Variants in HMCN1 observed in about 807,000 individuals in gnomAD.
HMCN1 encodes hemicentin 1.
A neutral mutation model predicts 625.9 loss-of-function variants in HMCN1; 321 were observed. The ratio of observed to expected loss-of-function variants is 0.51; its 90% CI spans 0.47 to 0.56. HMCN1 has a LOEUF of 0.56. Ranked by LOEUF, HMCN1 falls within the 20% of genes least tolerant of loss-of-function variation. The probability of loss-of-function intolerance (pLI) is 0.00; values close to 1 mark genes in which losing one functional copy is unlikely to be tolerated. For missense variants in HMCN1, 6,588 were observed against 6,887.3 expected (o/e 0.96, Z 1.54); for synonymous variants, 2,425 against 2,417.6 (o/e 1.00, Z -0.09).
chr1:185,855,124 A>T (rs926870266), intron 2 of HMCN1, among the ~76,000 whole-genome samples: 6 of 152,174 alleles, frequency 3.9e-5, no homozygotes, highest in African/African-American at 1.4e-4. Context: ...TCCTCCTCGA[A>T]TAAGCAAATG....
chr1:185,736,747 T>C (rs952849720), intron 1 of HMCN1, among the ~76,000 whole-genome samples: 7 of 152,244 alleles, frequency 4.6e-5, no homozygotes, highest in African/African-American at 7.2e-5. Context: ...TGCTCTTTGC[T>C]GTAGTTGACT....
chr1:185,914,230 A>G (rs1365657305), intron 6 of HMCN1, among the ~76,000 whole-genome samples: 5 of 152,160 alleles, frequency 3.3e-5, no homozygotes, highest in Admixed American at 3.3e-4. Flanking sequence ...ATGACATAAA[A>G]TATTGCTGTT....
At chr1:186,145,711 A>G (rs1477296364) in intron 92 of HMCN1, 42 bp from the exon 93 acceptor site, 1 of 1,610,494 alleles carries the variant, frequency 6.2e-7, no homozygotes, top group African/African-American at 1.3e-5. Context: ...GAAGATTTTG[A>G]AGCCAATTTC....
rs1558138128 is a variant in HMCN1 at position 186,007,222 on chromosome 1, C to A, written c.4570C>A (p.Gln1524Lys). The A allele has an allele frequency of 6.2e-7, 1 of 1,613,506 alleles. No individual in the cohort carries two copies. Among genetic ancestry groups the A allele is most frequent in the East Asian group, 2.2e-5 (1 of 44,824 alleles). The stretch of plus-strand genomic sequence containing the variant: ...ACGGAGAAATGACAAGGGGCGCTAC[C>A]AATGTACTGTGTCTAATGCAGCTGG... ...NARRNDKGRY[Q>K]CTVSNAAGKQ... Residue 1524 changes from glutamine to lysine, a missense_variant, in exon 30 of 107, where the codon CAA (glutamine) becomes AAA (lysine). Gln to Lys is a moderately conservative substitution (Grantham distance 53). This residue lies in a region of HMCN1 where 4,628 missense variants were observed against 4,853.1 expected (regional missense o/e 0.95). Transcript: ENST00000271588.
intron 36 of HMCN1, among the ~76,000 whole-genome samples, chr1:186,023,676 G>A (rs1654868174): frequency 6.6e-6 from 1 of 152,084 alleles, no homozygotes; most frequent in Non-Finnish European, 1.5e-5. Flanking sequence ...GATCTCTAGA[G>A]GCTCATCAGA....
chr1:185,991,866 C>T (rs1312382822), intron 22 of HMCN1, among the ~76,000 whole-genome samples: 2 of 152,074 alleles, frequency 1.3e-5, no homozygotes, highest in African/African-American at 2.4e-5. Context: ...AATTGCTTTC[C>T]AAAGGGACAG....
intron 11 of HMCN1, among the ~76,000 whole-genome samples, chr1:185,955,738 T>C (rs1187502996): frequency 1.3e-5 from 2 of 152,180 alleles, no homozygotes; most frequent in Non-Finnish European, 2.9e-5. Flanking sequence ...GCTGAACTTT[T>C]GATGGCCACG....
rs768828921 is a variant in HMCN1, at chr1:185,933,721, A to G, written c.1725A>G (p.Ser575=). The change falls in exon 11 of 107, where the codon TCA becomes TCG. Residue 575 remains serine, a synonymous_variant. Coordinates refer to ENST00000271588, the MANE Select transcript of HMCN1 (RefSeq NM_031935.3). ...GAATTAGGACCTTGGCTAATCTGTC[A>G]TTGGAGCTAAAGAGTGTGAAATTCA... ...PARIRTLANL[S]LELKSVKFND... is the part of the protein sequence containing the mutation. The G allele has an allele frequency of 6.2e-7, 1 of 1,614,038 alleles. No individual in the cohort carries two copies. The highest frequency in any genetic ancestry group is 8.5e-7 in the Non-Finnish European group (1 of 1,179,914).
intron 1 of HMCN1, among the ~76,000 whole-genome samples, chr1:185,826,186 A>C (rs1356546133): frequency 6.6e-6 from 1 of 152,202 alleles, no homozygotes; most frequent in Non-Finnish European, 1.5e-5. Context: ...TCAATTCCTG[A>C]ATGTATAAAA....
intron 40 of HMCN1, among the ~76,000 whole-genome samples, chr1:186,042,093 T>C (rs1177925313): frequency 5.3e-5 from 8 of 152,184 alleles, no homozygotes; most frequent in East Asian, 3.9e-4. Flanking sequence ...ACATATCTAA[T>C]GAAAGTAAAA....
At chr1:186,183,111 T>C (rs565075117) in intron 105 of HMCN1, among the ~76,000 whole-genome samples, 2 of 152,358 alleles carry the variant, frequency 1.3e-5, no homozygotes, top group South Asian at 4.1e-4. Flanking sequence ...ATGTGGGTCT[T>C]AATAAGCTTT....
In HMCN1 at chr1:186,115,116, G is replaced by C; in HGVS notation, c.11405-142G>C. Reference sequence around the variant, plus strand: ...CCTTAGTATAGTTAATATCATCACAGCACTATTAAAATTTGCAGAGTCTTG... The same window carrying C: ...CCTTAGTATAGTTAATATCATCACACCACTATTAAAATTTGCAGAGTCTTG... On this transcript the variant is annotated intron_variant, in intron 74 of 106. Coordinates refer to ENST00000271588, the MANE Select transcript of HMCN1 (RefSeq NM_031935.3). 3 of 1,336,008 alleles carry C rather than the reference G, an allele frequency of 2.2e-6. No individual in the cohort carries two copies. In the South Asian group the frequency reaches 3.5e-5, roughly 16 times the overall value. The allele number at this position is 1,336,008 out of a possible 1,614,324, so 82.8% of individuals were successfully genotyped here. A position where few individuals can be genotyped will look rare whatever the true frequency, so the allele number is the denominator to read the frequency against.
At chr1:185,935,639 G>A (rs1667775735) in intron 11 of HMCN1, among the ~76,000 whole-genome samples, 1 of 152,132 alleles carries the variant, frequency 6.6e-6, no homozygotes, top group Non-Finnish European at 1.5e-5. Flanking sequence ...ATCTGTACTA[G>A]TGGTGTAAAT....
chr1:185,978,122 G>T, intron 16 of HMCN1, 141 bp downstream of exon 16: 1 of 630,234 alleles, frequency 1.6e-6, no homozygotes, highest in South Asian at 2.1e-5. Context: ...CTTTGAAATA[G>T]TACTGGCATT....
intron 69 of HMCN1, among the ~76,000 whole-genome samples, chr1:186,104,295 C>A (rs2102446534): frequency 6.6e-6 from 1 of 152,174 alleles, no homozygotes; most frequent in East Asian, 1.9e-4. Context: ...AATAATCATG[C>A]CTCATTCATA....
chr1:185,932,230 C>T (rs1667586991), intron 10 of HMCN1, among the ~76,000 whole-genome samples: 2 of 152,026 alleles, frequency 1.3e-5, no homozygotes, highest in African/African-American at 4.8e-5. Context: ...ATTTTTATAA[C>T]TTAAAATAGC....
At chr1:186,032,047 A>C (rs1655485490) in intron 36 of HMCN1, among the ~76,000 whole-genome samples, 1 of 152,006 alleles carries the variant, frequency 6.6e-6, no homozygotes, top group Admixed American at 6.6e-5. Context: ...ACAAAAAAAA[A>C]ACAAAAATAA....
chr1:185,909,986 T>C (rs533761387), intron 5 of HMCN1, among the ~76,000 whole-genome samples: 11 of 152,248 alleles, frequency 7.2e-5, no homozygotes, highest in Admixed American at 3.3e-4. Flanking sequence ...AAGGGAACTT[T>C]TAATAATTCA....
intron 96 of HMCN1, 58 bp downstream of exon 96, chr1:186,152,929 T>A: frequency 1.2e-6 from 2 of 1,603,060 alleles, no homozygotes; most frequent in Non-Finnish European, 1.7e-6. Flanking sequence ...GAGTGAAAGG[T>A]CCATAGAATG....
Sources: gnomAD v4.1 joint callset for allele counts (sites outside exome capture counted in the v4.1 genomes callset) on GRCh38, gnomAD v4.1.1 for gene constraint, gnomAD v4.1.1 regional missense constraint, MANE v1.5 for transcripts, NCBI Gene and HGNC (gene_info 2026-07-23, HGNC 2026-07-21) for gene names.